Variants in C2orf76 observed in about 807,000 individuals in gnomAD.
C2orf76 encodes chromosome 2 open reading frame 76.
Under a neutral mutation model 16.9 loss-of-function variants are expected in C2orf76, and 23 were observed. The ratio of observed to expected loss-of-function variants is 1.36; its 90% CI spans 0.98 to 1.93. The LOEUF is 1.93. Ranked by LOEUF, C2orf76 falls within the 30% of genes most tolerant of loss-of-function variation. C2orf76 has a pLI of 0.00. For missense variants in C2orf76, 152 were observed against 152.6 expected, an observed-to-expected ratio of 1.00 and a Z score of 0.02; for synonymous variants, 48 against 52.3, an observed-to-expected ratio of 0.92 and a Z score of 0.35.
intron 1 of C2orf76, among the ~76,000 whole-genome samples, chr2:119,357,325 T>C (rs892541682): frequency 2.0e-5 from 3 of 152,108 alleles, no homozygotes; most frequent in Admixed American, 6.5e-5. Flanking sequence ...CATTAGCAAA[T>C]AGAATTTAGC....
At chr2:119,324,594 G>A (rs191479860) in intron 2 of C2orf76, among the ~76,000 whole-genome samples, 2 of 152,272 alleles carry the variant, frequency 1.3e-5, no homozygotes, top group Non-Finnish European at 2.9e-5. Flanking sequence ...TACACAGCAT[G>A]TGCTCAAAAT....
rs1678989041 is a variant in C2orf76 at position 119,311,578 on chromosome 2, C to T, written c.304+44G>A. On this transcript the variant is annotated intron_variant, in intron 5 of 5. Coordinates refer to ENST00000334816, the MANE Select transcript of C2orf76 (RefSeq NM_001322331.2). ...ACCATCAGCCAGGCCTCAGGATAGG[C>T]CGGCAGAGGTCCCCCTCCAGCAACA... The T allele has an allele frequency of 1.9e-6, 3 of 1,598,588 alleles. No homozygotes were observed. In the South Asian group the frequency reaches 3.4e-5, roughly 18 times the overall value.
At chr2:119,366,854 CGGGGCTAGCGCCGCGGCG>C, upstream of C2orf76, 1 of 684,260 alleles carries the variant, frequency 1.5e-6, no homozygotes, top group Admixed American at 3.2e-5. Context: ...TGGGCTCGGG[CGGGGCTAGCGCCGCGGCG>C]GGGGCTGGGC....
In C2orf76 at chr2:119,336,681, T is replaced by C. The variant is rs971662569; in HGVS notation, c.133+3146A>G. 2.6e-5 allele frequency among the ~76,000 whole-genome samples: 4 copies of C among 151,664 alleles called. No homozygotes were observed. The South Asian group carries it at 8.3e-4, about 31-fold the overall frequency. ...TTGGGGAGGGAGGAGGATCGAAAAA[T>C]AAAATTTAATTTAAAAAGAAAGAAA... On this transcript the variant is annotated intron_variant, in intron 2 of 5. Transcript: ENST00000334816.
chr2:119,318,142 GCACTTCCAGT>G (rs1283718373), intron 3 of C2orf76, among the ~76,000 whole-genome samples: 1 of 152,208 alleles, frequency 6.6e-6, no homozygotes, highest in Non-Finnish European at 1.5e-5. Flanking sequence ...GCTACACTGT[GCACTTCCAGT>G]AAGTAATTTC....
chr2:119,324,627 T>C (rs1679450653), intron 2 of C2orf76, among the ~76,000 whole-genome samples: 1 of 152,198 alleles, frequency 6.6e-6, no homozygotes, highest in African/African-American at 2.4e-5. Context: ...ATACATATAA[T>C]TTAATGCCTA....
chr2:119,289,583 G>A, the C2orf76 span, among the ~76,000 whole-genome samples: 2 of 151,950 alleles, frequency 1.3e-5, no homozygotes, highest in African/African-American at 4.8e-5. Context: ...CTACTTGGGA[G>A]GCTGAGGCAG....
chr2:119,344,007 T>C (rs919016100), intron 1 of C2orf76, among the ~76,000 whole-genome samples: 2 of 152,206 alleles, frequency 1.3e-5, no homozygotes, highest in African/African-American at 4.8e-5. Flanking sequence ...GGCACTTGCA[T>C]TCCTCATGAA....
intron 5 of C2orf76, among the ~76,000 whole-genome samples, chr2:119,309,088 G>T (rs2104541242): frequency 6.6e-6 from 1 of 152,240 alleles, no homozygotes; most frequent in East Asian, 1.9e-4. Flanking sequence ...AGATGAGCAT[G>T]CTAATTGTTG....
At chr2:119,319,550 A>G (rs1257884354) in intron 3 of C2orf76, among the ~76,000 whole-genome samples, 2 of 152,220 alleles carry the variant, frequency 1.3e-5, no homozygotes, top group African/African-American at 4.8e-5. Context: ...CAGCTTTATG[A>G]AACAGAGAGG....
At position 119,311,634 on chromosome 2, in the gene C2orf76, C is replaced by CT. The variant is rs1678991497; in HGVS notation, c.291dup (p.Ala98SerfsTer7). 6.2e-7 allele frequency: 1 copy of CT among 1,613,360 alleles called. No homozygotes were observed. Among genetic ancestry groups the CT allele is most frequent in the African/African-American group, 1.3e-5 (1 of 74,792 alleles). On this transcript the variant is annotated frameshift_variant, in exon 5 of 6. Transcript: ENST00000334816. LOFTEE classifies it high-confidence loss of function. ...CCCCCTTCCTCACCGATTCCAGCTG[C>CT]TTTCAGAGTGCTGTCTTCTTTCAGC... is the stretch of plus-strand genomic sequence containing the variant.
At chr2:119,304,263 A>G (rs1678707797) in intron 5 of C2orf76, among the ~76,000 whole-genome samples, 1 of 152,232 alleles carries the variant, frequency 6.6e-6, no homozygotes, top group South Asian at 2.1e-4. Context: ...TTTATCTGTG[A>G]TGTGCTATTT....
intron 2 of C2orf76, among the ~76,000 whole-genome samples, chr2:119,330,695 T>C (rs1488550695): frequency 6.6e-6 from 1 of 152,178 alleles, no homozygotes; most frequent in Non-Finnish European, 1.5e-5. Flanking sequence ...ATTACATGTA[T>C]ATTTGGCTAC....
At chr2:119,307,635 G>T (rs1455964780) in intron 5 of C2orf76, among the ~76,000 whole-genome samples, 1 of 152,012 alleles carries the variant, frequency 6.6e-6, no homozygotes, top group East Asian at 1.9e-4. Flanking sequence ...CCCGAGCCCA[G>T]GGTTGCTGGC....
rs898350257 is a variant in C2orf76, at chr2:119,343,580, G to A, written c.-12-3609C>T. 2.4e-4 allele frequency among the ~76,000 whole-genome samples: 37 copies of A among 151,852 alleles called. 1 individual carries two copies. The highest frequency in any genetic ancestry group is 6.6e-4 in the Admixed American group (10 of 15,232). On this transcript the variant is annotated intron_variant, in intron 1 of 5. Transcript: ENST00000334816. ...TAGAGTTGAACAGATTTAACTTAAA[G>A]ATCAACTCTGCTTCTTAGCTGCAAC... is the stretch of plus-strand genomic sequence containing the variant.
intron 1 of C2orf76, among the ~76,000 whole-genome samples, chr2:119,348,559 G>A (rs948132931): frequency 2.0e-5 from 3 of 152,030 alleles, no homozygotes; most frequent in East Asian, 1.9e-4. Context: ...GGTGGTGCGC[G>A]CCTGTAATCC....
At chr2:119,321,776 A>C (rs913340140) in intron 2 of C2orf76, among the ~76,000 whole-genome samples, 2 of 152,174 alleles carry the variant, frequency 1.3e-5, no homozygotes, top group Non-Finnish European at 2.9e-5. Flanking sequence ...CAGTAACACT[A>C]TTAAAAGAAT....
At chr2:119,338,045 T>C (rs1432011228) in intron 2 of C2orf76, among the ~76,000 whole-genome samples, 1 of 152,174 alleles carries the variant, frequency 6.6e-6, no homozygotes, top group African/African-American at 2.4e-5. Context: ...GATTATAAAA[T>C]AAAAAAGTAC....
intron 1 of C2orf76, among the ~76,000 whole-genome samples, chr2:119,356,887 A>G (rs527508789): frequency 1.3e-5 from 2 of 152,310 alleles, no homozygotes; most frequent in South Asian, 2.1e-4. Context: ...CATACATTTC[A>G]CAGCACAGAC....
Sources: gnomAD v4.1 joint callset for allele counts (sites outside exome capture counted in the v4.1 genomes callset) on GRCh38, gnomAD v4.1.1 for gene constraint, MANE v1.5 for transcripts, NCBI Gene and HGNC (gene_info 2026-07-23, HGNC 2026-07-21) for gene names.